Variants in C12orf76 observed in about 807,000 individuals in gnomAD.
C12orf76 encodes chromosome 12 open reading frame 76.
In C12orf76, 6 loss-of-function variants were observed where a neutral mutation model predicts 6.8. That is an observed-to-expected ratio of 0.88 (90% CI 0.48 to 1.73). The LOEUF (loss-of-function observed/expected upper bound fraction) is 1.73, where lower values mean the gene tolerates loss of function less well. Among genes scored for constraint, C12orf76 ranks in the 40% most tolerant of loss-of-function variants. The pLI, the probability that C12orf76 is intolerant of heterozygous loss-of-function variation, is 0.01. For missense variants in C12orf76, 99 were observed against 98.2 expected (o/e 1.01, Z -0.03); for synonymous variants, 56 against 43.7 (o/e 1.28, Z -1.11).
upstream of C12orf76, chr12:110,048,677 T>A: frequency 7.9e-7 from 1 of 1,260,752 alleles, no homozygotes; most frequent in Non-Finnish European, 1.0e-6. Flanking sequence ...CGTTCCTCAA[T>A]AACTAATGTT....
chr12:110,070,548 T>C (rs1482177685), upstream of C12orf76, among the ~76,000 whole-genome samples: 1 of 151,886 alleles, frequency 6.6e-6, no homozygotes, highest in Non-Finnish European at 1.5e-5. Flanking sequence ...CCTAGTGACA[T>C]AGTGTGACCC....
chr12:110,051,427 A>T, upstream of C12orf76: 1 of 601,548 alleles, frequency 1.7e-6, no homozygotes, highest in Admixed American at 2.9e-5. Flanking sequence ...TGCTGCCCCC[A>T]ATCTCATTTT....
chr12:110,053,928 A>T (rs2338754), upstream of C12orf76, among the ~76,000 whole-genome samples: 28,730 of 151,936 alleles, frequency 0.19, 3,218 homozygotes, highest in Admixed American at 0.3. Flanking sequence ...GACGAAAAAT[A>T]CAAAAATTAG....
intron 1 of C12orf76, among the ~76,000 whole-genome samples, chr12:110,045,364 G>A (rs911720481): frequency 1.3e-5 from 2 of 152,140 alleles, no homozygotes; most frequent in Admixed American, 6.5e-5. Context: ...AAGGCGGGCG[G>A]ATCACAAGAT....
chr12:110,058,088 A>AG (rs1391623434), intron 3 of C12orf76, among the ~76,000 whole-genome samples: 2 of 150,300 alleles, frequency 1.3e-5, no homozygotes, highest in African/African-American at 2.4e-5. Context: ...AAAAAAAAAA[A>AG]AAGAAGATCC....
upstream of C12orf76, chr12:110,048,739 C>G (rs1213754131): frequency 9.3e-7 from 1 of 1,075,472 alleles, no homozygotes. Flanking sequence ...TGCCAACGTT[C>G]GCCGCGATTA....
At chr12:110,068,238 AAGAAGAAGAAAGAAGAAG>A (rs1892900191), upstream of C12orf76, among the ~76,000 whole-genome samples, 2 of 139,424 alleles carry the variant, frequency 1.4e-5, no homozygotes, top group Non-Finnish European at 1.5e-5. Flanking sequence ...AGAAGAGAAG[AAGAAGAAGAAAGAAGAAG>A]AAGAAGAAGA....
chr12:110,045,757 G>C (rs553078579), intron 1 of C12orf76, among the ~76,000 whole-genome samples: 14 of 151,828 alleles, frequency 9.2e-5, no homozygotes, highest in African/African-American at 1.7e-4. Context: ...TCAAGACTTC[G>C]AGACAAGCCT....
At chr12:110,069,503 G>T (rs1469196336), upstream of C12orf76, among the ~76,000 whole-genome samples, 5 of 152,318 alleles carry the variant, frequency 3.3e-5, no homozygotes, top group South Asian at 1.0e-3. Flanking sequence ...CCCTTAAATT[G>T]TCCACATAGC....
At chr12:110,066,497 G>A (rs1337061021) in intron 1 of C12orf76, among the ~76,000 whole-genome samples, 1 of 149,410 alleles carries the variant, frequency 6.7e-6, no homozygotes, top group Non-Finnish European at 1.5e-5. Flanking sequence ...AGACCAGCCT[G>A]ACCAACATGG....
At chr12:110,048,243 C>T (rs1892500245) in intron 1 of C12orf76, 120 bp downstream of exon 1, 1 of 1,267,274 alleles carries the variant, frequency 7.9e-7, no homozygotes, top group Non-Finnish European at 1.0e-6. Context: ...ACCTGCACCC[C>T]CCGCACTCAC....
chr12:110,059,104 T>A, exon 3 of C12orf76: 1 of 1,551,632 alleles, frequency 6.4e-7, no homozygotes, highest in Non-Finnish European at 8.7e-7. Flanking sequence ...CAGCCTCAGC[T>A]CTCTTAAATG....
upstream of C12orf76, among the ~76,000 whole-genome samples, chr12:110,053,747 A>G (rs564486254): frequency 4.6e-5 from 7 of 152,306 alleles, no homozygotes; most frequent in African/African-American, 1.7e-4. Flanking sequence ...CATAACCTAA[A>G]TGTTCTCAAA....
chr12:110,048,716 A>T (rs1892519625), upstream of C12orf76: 1 of 1,203,792 alleles, frequency 8.3e-7, no homozygotes, highest in South Asian at 3.4e-5. Flanking sequence ...CGTTCAGATC[A>T]ACTTTCCGTC....
chr12:110,042,315 C>T lies in C12orf76; in HGVS notation c.*59G>A, dbSNP rs780281581. 7.1e-7 allele frequency: 1 copy of T among 1,411,580 alleles called. No homozygotes were observed. Among genetic ancestry groups the T allele is most frequent in the Non-Finnish European group, 1.0e-6 (1 of 997,534 alleles). The allele number at this position is 1,411,580 out of a possible 1,614,324, so 87.4% of individuals were successfully genotyped here. A position where few individuals can be genotyped will look rare whatever the true frequency, so the allele number is the denominator to read the frequency against. Reference sequence around the variant, plus strand: ...GTTTTGGTTCCAACTTCTCCACTGGCCTGTGTGCAACACAACTTATCCTAT... The same window carrying T: ...GTTTTGGTTCCAACTTCTCCACTGGTCTGTGTGCAACACAACTTATCCTAT... On this transcript the variant is annotated 3_prime_UTR_variant, in exon 2 of 2. Coordinates refer to ENST00000615315, the MANE Select transcript of C12orf76 (RefSeq NM_001389625.1).
At chr12:110,059,286 T>G in intron 2 of C12orf76, 1 of 1,196,362 alleles carries the variant, frequency 8.4e-7, no homozygotes, top group Non-Finnish European at 1.1e-6. Flanking sequence ...TTCGGGATTC[T>G]CCATATATGG....
At chr12:110,045,703 A>G (rs570266175) in intron 1 of C12orf76, among the ~76,000 whole-genome samples, 1 of 152,358 alleles carries the variant, frequency 6.6e-6, no homozygotes, top group Non-Finnish European at 1.5e-5. Context: ...TCACACCTGT[A>G]ATGCCAGCAC....
rs1892510247 is a variant in C12orf76 at position 110,048,456 on chromosome 12, A to G, written c.40T>C (p.Cys14Arg). 1 of 1,504,656 alleles carries G rather than the reference A, an allele frequency of 6.6e-7. No homozygotes were observed. Among genetic ancestry groups the G allele is most frequent in the Non-Finnish European group, 8.8e-7 (1 of 1,131,542 alleles). 93.2% of individuals were successfully genotyped at this position (1,504,656 alleles called of 1,614,324 possible). A position where few individuals can be genotyped will look rare whatever the true frequency, so the allele number is the denominator to read the frequency against. Residue 14 changes from cysteine to arginine, a missense_variant, in exon 1 of 2, where the codon TGC becomes CGC. By Grantham distance (180) the Cys-to-Arg change is radical. Transcript: ENST00000615315. ...TCTGCCTCCCCCACCAGGAGGCTGC[A>G]GAGGCCAAGGTACAGCCACGGTAAC... ...PALPWLYLGL[C>R]SLLVGEAEAP...
At chr12:110,064,614 G>A (rs1252734051) in intron 2 of C12orf76, among the ~76,000 whole-genome samples, 1 of 152,184 alleles carries the variant, frequency 6.6e-6, no homozygotes, top group Non-Finnish European at 1.5e-5. Context: ...CTACTAAGAT[G>A]CTGGGGTTTG....
Sources: gnomAD v4.1 joint callset for allele counts (sites outside exome capture counted in the v4.1 genomes callset) on GRCh38, gnomAD v4.1.1 for gene constraint, MANE v1.5 for transcripts, NCBI Gene and HGNC (gene_info 2026-07-23, HGNC 2026-07-21) for gene names.